DNTT: variants seen among roughly 807,000 people sequenced by gnomAD.
DNTT encodes the protein DNA nucleotidylexotransferase.
In DNTT, 47 loss-of-function variants were observed where a neutral mutation model predicts 60.9. The ratio of observed to expected loss-of-function variants is 0.77; its 90% CI spans 0.61 to 0.98. The LOEUF (loss-of-function observed/expected upper bound fraction) is 0.98, where lower values mean the gene tolerates loss of function less well. DNTT is among the 50% of genes least tolerant of loss of function. The probability of loss-of-function intolerance (pLI) is 0.00; values close to 1 mark genes in which losing one functional copy is unlikely to be tolerated. For missense variants in DNTT, 665 were observed against 627.5 expected (o/e 1.06, Z -0.64); for synonymous variants, 224 against 221.2 (o/e 1.01, Z -0.11).
chr10:96,322,746 TA>T lies in DNTT; in HGVS notation c.750+19del, dbSNP rs767845357. On this transcript the variant is annotated intron_variant, in intron 5 of 10. Coordinates refer to ENST00000371174, the MANE Select transcript of DNTT (RefSeq NM_004088.4). The stretch of plus-strand genomic sequence containing the variant: ...CCTTCAAAGTAAGTGATTTTACATA[TA>T]TTTATTGAAAATTGTTTTTCAGTTA... 3.2e-6 allele frequency: 5 copies of T among 1,568,936 alleles called. No individual in the cohort carries two copies. The highest frequency in any genetic ancestry group is 4.4e-6 in the Non-Finnish European group (5 of 1,148,786).
At chr10:96,307,734 A>ATATATATAT (rs1564868534) in intron 1 of DNTT, among the ~76,000 whole-genome samples, 1,074 of 72,232 alleles carry the variant, frequency 0.015, 14 homozygotes, top group Middle Eastern at 0.025. Context: ...TATATATATA[A>ATATATATAT]GCATATATAT....
At chr10:96,323,257 C>T (rs1032043929) in intron 5 of DNTT, among the ~76,000 whole-genome samples, 10 of 152,098 alleles carry the variant, frequency 6.6e-5, no homozygotes, top group African/African-American at 2.4e-4. Context: ...TGAGATCATG[C>T]CACTGTACTC....
At chr10:96,336,587 CTCT>C (rs1406685028) in intron 10 of DNTT, among the ~76,000 whole-genome samples, 1 of 152,302 alleles carries the variant, frequency 6.6e-6, no homozygotes, top group East Asian at 1.9e-4. Flanking sequence ...CTAAGGGCTA[CTCT>C]TCTTACAGAT....
At chr10:96,330,409 T>G (rs1844992424) in intron 8 of DNTT, among the ~76,000 whole-genome samples, 1 of 151,854 alleles carries the variant, frequency 6.6e-6, no homozygotes, top group Admixed American at 6.6e-5. Context: ...TTTTTCAAAT[T>G]TACATAATTG....
chr10:96,332,726 C>A, intron 9 of DNTT, 130 bp downstream of exon 9: 1 of 1,392,888 alleles, frequency 7.2e-7, no homozygotes, highest in Non-Finnish European at 9.7e-7. Context: ...ACCCAGAAAC[C>A]TCTAACTCAA....
intron 4 of DNTT, among the ~76,000 whole-genome samples, 163 bp from the exon 5 acceptor site, chr10:96,322,494 T>C (rs1390691146): frequency 6.6e-6 from 1 of 152,214 alleles, no homozygotes; most frequent in East Asian, 1.9e-4. Context: ...TTCAAGATTG[T>C]AGGGAAATGT....
At chr10:96,325,349 C>T (rs900683506) in intron 6 of DNTT, among the ~76,000 whole-genome samples, 3 of 152,100 alleles carry the variant, frequency 2.0e-5, no homozygotes, top group Non-Finnish European at 2.9e-5. Flanking sequence ...TGAAAGCACA[C>T]GTTTAATAAG....
chr10:96,325,574 A>T (rs1022556055), intron 6 of DNTT, among the ~76,000 whole-genome samples: 2 of 152,194 alleles, frequency 1.3e-5, no homozygotes, highest in African/African-American at 4.8e-5. Flanking sequence ...TAGCTTTGTA[A>T]ACTGGATTTT....
intron 1 of DNTT, among the ~76,000 whole-genome samples, chr10:96,307,677 A>G (rs1589367849): frequency 9.3e-6 from 1 of 107,504 alleles, no homozygotes; most frequent in South Asian, 3.4e-4. Flanking sequence ...TACAATAAGC[A>G]TATATATATG....
chr10:96,336,896 C>T (rs1845078502), intron 10 of DNTT, among the ~76,000 whole-genome samples: 1 of 148,372 alleles, frequency 6.7e-6, no homozygotes, highest in Admixed American at 6.7e-5. Context: ...CGAGATCACA[C>T]CACTGCACTC....
intron 1 of DNTT, among the ~76,000 whole-genome samples, chr10:96,313,777 C>T (rs935249262): frequency 2.5e-4 from 38 of 152,162 alleles, no homozygotes; most frequent in Non-Finnish European, 4.1e-4. Context: ...ATCTGTACTC[C>T]CCAGCATTCT....
intron 1 of DNTT, among the ~76,000 whole-genome samples, chr10:96,314,441 T>C (rs1056562721): frequency 6.8e-5 from 9 of 131,962 alleles, no homozygotes; most frequent in Non-Finnish European, 1.3e-4. Context: ...GAGATGGAGT[T>C]TCGCTCTGTC....
At chr10:96,333,508 C>A (rs1845031888) in intron 9 of DNTT, among the ~76,000 whole-genome samples, 1 of 152,234 alleles carries the variant, frequency 6.6e-6, no homozygotes, top group Admixed American at 6.5e-5. Context: ...GAGAGGTCTG[C>A]ACTCCCGTGT....
At chr10:96,316,899 C>T (rs1844793294) in intron 1 of DNTT, among the ~76,000 whole-genome samples, 1 of 152,140 alleles carries the variant, frequency 6.6e-6, no homozygotes, top group Non-Finnish European at 1.5e-5. Flanking sequence ...ACCATCACCG[C>T]CACCACTATC....
chr10:96,304,805 C>A, intron 1 of DNTT, 105 bp downstream of exon 1: 1 of 1,270,168 alleles, frequency 7.9e-7, no homozygotes, highest in Non-Finnish European at 1.1e-6. Context: ...AAGAGGTGAT[C>A]TTCCCACTGG....
At position 96,332,556 on chromosome 10, in the gene DNTT, AG is replaced by A; in HGVS notation, c.1320del (p.Glu440AspfsTer30). 8 of 1,614,110 alleles carry A rather than the reference AG, an allele frequency of 5.0e-6. No homozygotes were observed. Among genetic ancestry groups the A allele is most frequent in the African/African-American group, 1.3e-5 (1 of 75,038 alleles). On this transcript the variant is annotated frameshift_variant, in exon 9 of 11. Transcript: ENST00000371174. LOFTEE classifies it high-confidence loss of function. ...IRVDLVLCPYERRAFALLGWT... is the reference protein window; with the variant it reads ...IRVDLVLCPYXRRAFALLGWT... ...GTGGATTTAGTTCTGTGCCCCTACG[AG>A]CGTCGTGCCTTTGCCCTGTTGGGAT...
intron 9 of DNTT, among the ~76,000 whole-genome samples, chr10:96,335,213 T>C (rs1313630376): frequency 6.6e-6 from 1 of 152,230 alleles, no homozygotes; most frequent in Non-Finnish European, 1.5e-5. Flanking sequence ...TTTCCCAAGG[T>C]GTTCCTGTCC....
Position 96,319,876 on chromosome 10 carries a change from G to T in DNTT, c.507+486G>T, listed in dbSNP as rs780059694. On this transcript the variant is annotated intron_variant, in intron 3 of 10. Transcript: ENST00000371174. Reference sequence around the variant, plus strand: ...GCCTGTCTCCTCATCTATTCAAAAAGAAATTGGATGGATCATATCTAAAGC... The same window carrying T: ...GCCTGTCTCCTCATCTATTCAAAAATAAATTGGATGGATCATATCTAAAGC... Among the ~76,000 whole-genome samples, 4 of 152,160 alleles carry T rather than the reference G, an allele frequency of 2.6e-5. No homozygotes were observed. The South Asian group carries it at 6.2e-4, about 24-fold the overall frequency.
At chr10:96,320,327 T>C (rs1844852463) in intron 3 of DNTT, among the ~76,000 whole-genome samples, 1 of 152,232 alleles carries the variant, frequency 6.6e-6, no homozygotes, top group Non-Finnish European at 1.5e-5. Flanking sequence ...GAGTCATGAC[T>C]AGCAAGATGC....
Sources: allele counts gnomAD v4.1 joint callset (sites outside exome capture counted in the v4.1 genomes callset), GRCh38; gene constraint gnomAD v4.1.1; transcripts MANE v1.5; gene names NCBI Gene and HGNC (gene_info 2026-07-23, HGNC 2026-07-21).